Variants in PARD3 observed in about 807,000 individuals in gnomAD.
PARD3 encodes partitioning defective 3 homolog.
Under a neutral mutation model 155.4 loss-of-function variants are expected in PARD3, and 75 were observed. That is an observed-to-expected ratio of 0.48 (90% CI 0.40 to 0.58). The LOEUF is 0.58. Ranked by LOEUF, PARD3 falls within the 20% of genes least tolerant of loss-of-function variation. The pLI, the probability that PARD3 is intolerant of heterozygous loss-of-function variation, is 0.00. For synonymous variants in PARD3, 576 were observed against 610.5 expected (o/e 0.94, Z 0.83); for missense variants, 1,642 against 1,721.7 (o/e 0.95, Z 0.82).
At chr10:34,560,218 T>C (rs2085351968) in intron 2 of PARD3, among the ~76,000 whole-genome samples, 1 of 152,220 alleles carries the variant, frequency 6.6e-6, no homozygotes, top group Non-Finnish European at 1.5e-5. Flanking sequence ...GTGGGAATTT[T>C]CCTTGACCTT....
chr10:34,141,650 G>A (rs568934352), intron 22 of PARD3, among the ~76,000 whole-genome samples: 23 of 152,198 alleles, frequency 1.5e-4, no homozygotes, highest in African/African-American at 3.9e-4. Flanking sequence ...TGTACCCCTC[G>A]CCCTATTTTA....
intron 22 of PARD3, among the ~76,000 whole-genome samples, chr10:34,147,142 T>C (rs1948551119): frequency 6.6e-6 from 1 of 152,150 alleles, no homozygotes; most frequent in Non-Finnish European, 1.5e-5. Flanking sequence ...GTTGAGTACT[T>C]TGTAGAAAAA....
chr10:34,573,584 G>A (rs2086609871), intron 2 of PARD3, among the ~76,000 whole-genome samples: 1 of 152,094 alleles, frequency 6.6e-6, no homozygotes, highest in Non-Finnish European at 1.5e-5. Context: ...GCAGGCACCT[G>A]TAGTACCAAC....
intron 2 of PARD3, among the ~76,000 whole-genome samples, chr10:34,614,665 A>C (rs2091132038): frequency 6.6e-6 from 1 of 152,218 alleles, no homozygotes; most frequent in Non-Finnish European, 1.5e-5. Context: ...ATACTGGTTG[A>C]TATTTTTGCT....
intron 22 of PARD3, among the ~76,000 whole-genome samples, chr10:34,196,230 C>A (rs138094994): frequency 6.6e-6 from 1 of 152,226 alleles, no homozygotes; most frequent in East Asian, 1.9e-4. Context: ...GGTTACGTGG[C>A]GTACAATGAC....
At chr10:34,207,403 T>G (rs1206683176) in intron 22 of PARD3, among the ~76,000 whole-genome samples, 1 of 152,144 alleles carries the variant, frequency 6.6e-6, no homozygotes, top group East Asian at 1.9e-4. Context: ...TTAAAGTAAT[T>G]GAATGCAAAC....
At chr10:34,410,373 T>C (rs1237581917) in intron 5 of PARD3, among the ~76,000 whole-genome samples, 1 of 152,108 alleles carries the variant, frequency 6.6e-6, no homozygotes, top group African/African-American at 2.4e-5. Flanking sequence ...AATGTATCAT[T>C]TTATTGCAAT....
At chr10:34,416,753 C>A (rs1845715756) in intron 5 of PARD3, among the ~76,000 whole-genome samples, 1 of 152,100 alleles carries the variant, frequency 6.6e-6, no homozygotes, top group Admixed American at 6.6e-5. Context: ...GAGGTGGCTG[C>A]AAATAAAATA....
intron 2 of PARD3, among the ~76,000 whole-genome samples, chr10:34,659,809 T>C (rs1016972503): frequency 6.6e-6 from 1 of 152,200 alleles, no homozygotes; most frequent in Non-Finnish European, 1.5e-5. Context: ...AGGTACCTAG[T>C]TAGAACCTGT....
At chr10:34,427,087 G>A (rs562380119) in intron 5 of PARD3, among the ~76,000 whole-genome samples, 1 of 152,240 alleles carries the variant, frequency 6.6e-6, no homozygotes, top group East Asian at 1.9e-4. Context: ...TGTGATGATT[G>A]CGTTAACTGC....
At position 34,215,011 on chromosome 10, in the gene PARD3, G is replaced by T. The variant is rs1951935071; in HGVS notation, c.3419+54646C>A. Reference sequence around the variant, plus strand: ...GCAGTGGCCCATTTTGCTTATTAGAGCCCTCTCACCTATTGGCATTCCGGG... The same window carrying T: ...GCAGTGGCCCATTTTGCTTATTAGATCCCTCTCACCTATTGGCATTCCGGG... On this transcript the variant is annotated intron_variant, in intron 22 of 24. Transcript: ENST00000374788. Among the ~76,000 whole-genome samples the T allele has an allele frequency of 2.0e-5, 3 of 152,166 alleles. No individual in the cohort carries two copies. In the South Asian group the frequency reaches 6.2e-4, roughly 32 times the overall value.
At position 34,165,122 on chromosome 10, in the gene PARD3, T is replaced by C. The variant is rs192995910; in HGVS notation, c.3420-33539A>G. 2.5e-3 allele frequency among the ~76,000 whole-genome samples: 380 copies of C among 152,272 alleles called. 3 individuals carry two copies. The highest frequency in any genetic ancestry group is 8.3e-3 in the African/African-American group (345 of 41,552). ...AAGGTTCCTTTAATTTCAACTAATT[T>C]CTCTTTATTTGGGTCTCTGGAGAAA... On this transcript the variant is annotated intron_variant, in intron 22 of 24. Transcript: ENST00000374788.
chr10:34,405,947 T>C (rs1374344742), intron 5 of PARD3, among the ~76,000 whole-genome samples: 1 of 152,158 alleles, frequency 6.6e-6, no homozygotes, highest in Non-Finnish European at 1.5e-5. Context: ...ACAAACATCC[T>C]TGAAAAGATT....
chr10:34,388,589 A>C (rs1304377516), intron 7 of PARD3, among the ~76,000 whole-genome samples: 4 of 152,190 alleles, frequency 2.6e-5, no homozygotes, highest in Admixed American at 6.5e-5. Flanking sequence ...ATTTGTTCTA[A>C]AGTAATAAAG....
chr10:34,310,440 T>G (rs1957643390), intron 20 of PARD3, among the ~76,000 whole-genome samples: 1 of 152,228 alleles, frequency 6.6e-6, no homozygotes. Flanking sequence ...GAATTTCTTT[T>G]GCGAAAAGGT....
At chr10:34,575,390 G>A (rs2086798368) in intron 2 of PARD3, among the ~76,000 whole-genome samples, 1 of 152,142 alleles carries the variant, frequency 6.6e-6, no homozygotes, top group African/African-American at 2.4e-5. Context: ...ATAATCACAA[G>A]GGAGTAGGCT....
intron 1 of PARD3, among the ~76,000 whole-genome samples, chr10:34,793,193 C>T (rs1436605179): frequency 6.6e-6 from 1 of 152,102 alleles, no homozygotes; most frequent in African/African-American, 2.4e-5. Context: ...GCTCTGGCAG[C>T]AGTGCAGATG....
chr10:34,804,115 C>A (rs1187043096), intron 1 of PARD3, among the ~76,000 whole-genome samples: 1 of 150,976 alleles, frequency 6.6e-6, no homozygotes, highest in Admixed American at 6.6e-5. Flanking sequence ...CTCAATGCAA[C>A]CTCTGCCTCC....
intron 2 of PARD3, among the ~76,000 whole-genome samples, chr10:34,638,121 C>T (rs559465895): frequency 2.0e-5 from 3 of 152,216 alleles, no homozygotes; most frequent in African/African-American, 7.2e-5. Flanking sequence ...GGAGAGTGGA[C>T]TAAAGGAGGC....
Sources: allele counts gnomAD v4.1 joint callset (sites outside exome capture counted in the v4.1 genomes callset), GRCh38; gene constraint gnomAD v4.1.1; transcripts MANE v1.5; gene names NCBI Gene and HGNC (gene_info 2026-07-23, HGNC 2026-07-21).